DDX5: variants seen among roughly 807,000 people sequenced by gnomAD.
DDX5 encodes probable ATP-dependent RNA helicase DDX5.
DDX5 carries 6 observed loss-of-function variants against 68.6 expected under a neutral mutation model. The ratio of observed to expected loss-of-function variants is 0.09; its 90% CI spans 0.05 to 0.17. The LOEUF is 0.17. DDX5 is among the 10% of genes least tolerant of loss of function. The probability of loss-of-function intolerance (pLI) is 1.00; values close to 1 mark genes in which losing one functional copy is unlikely to be tolerated. For missense variants in DDX5, 499 were observed against 756.1 expected (o/e 0.66, Z 3.99); for synonymous variants, 350 against 247.0 (o/e 1.42, Z -3.91).
chr17:64,505,968 A>T, intron 1 of DDX5, 108 bp downstream of exon 1: 1 of 1,540,144 alleles, frequency 6.5e-7, no homozygotes, highest in Non-Finnish European at 8.7e-7. Context: ...GTCCCAAGAT[A>T]GCCCGGAAAG....
At chr17:64,500,794 G>A in intron 11 of DDX5, 21 bp from the exon 12 acceptor site, 1 of 1,570,682 alleles carries the variant, frequency 6.4e-7, no homozygotes, top group Non-Finnish European at 8.8e-7. Flanking sequence ...TTGCAGTGTG[G>A]CAAAATAGCA....
chr17:64,503,720 A>G, intron 5 of DDX5, 83 bp downstream of exon 5: 1 of 1,545,852 alleles, frequency 6.5e-7, no homozygotes. Context: ...ATATAAAACC[A>G]CCACAAATGA....
upstream of DDX5, chr17:64,506,303 C>T: frequency 1.3e-6 from 2 of 1,514,402 alleles, no homozygotes; most frequent in Non-Finnish European, 1.8e-6. Context: ...GGCCGCTTTC[C>T]GGCAGCCGCT....
Position 64,504,234 on chromosome 17 carries a change from C to T in DDX5, c.295G>A (p.Ala99Thr), listed in dbSNP as rs142511928. The T allele has an allele frequency of 2.7e-5, 43 of 1,614,082 alleles. No individual in the cohort carries two copies. The highest frequency in any genetic ancestry group is 3.3e-4 in the Middle Eastern group (2 of 6,062). Reference protein sequence around the residue: ...CPKPVLNFYEANFPANVMDVI... With the variant: ...CPKPVLNFYETNFPANVMDVI... ...AAGTAGCACTTACCAGGGAAATTGG[C>T]TTCATAAAAATTTAGAACTGGCTTC... The change falls in exon 3 of 13, where the codon GCC becomes ACC. Residue 99 changes from alanine (A) to threonine (T), a missense_variant. By Grantham distance (58) the Ala-to-Thr change is moderately conservative. Around this residue, in one of 5 missense-constraint regions of DDX5, gnomAD observed 140 missense variants for 135.7 expected, o/e 1.03. Transcript: ENST00000225792.
intron 8 of DDX5, 165 bp from the exon 9 acceptor site, chr17:64,502,714 G>C: frequency 1.4e-6 from 1 of 714,590 alleles, no homozygotes. Context: ...TGGTCCTTAA[G>C]TCAACCAGGG....
intron 8 of DDX5, 37 bp from the exon 9 acceptor site, chr17:64,502,586 T>C: frequency 6.9e-7 from 1 of 1,457,584 alleles, no homozygotes; most frequent in Non-Finnish European, 9.6e-7. Flanking sequence ...ATCCTGAGTT[T>C]TAAAAGACCA....
Position 64,499,520 on chromosome 17 carries a change from C to G in DDX5, c.*403G>C, listed in dbSNP as rs1284214067. On this transcript the variant is annotated 3_prime_UTR_variant, in exon 13 of 13. Transcript: ENST00000225792. ...ATAAAAAGGAACAGTCATTTGTTTT[C>G]ATGGAAAAAAAAAACCAAACAAAAA... 1 of 200,978 alleles carries G rather than the reference C, an allele frequency of 5.0e-6. No homozygotes were observed. Among genetic ancestry groups the G allele is most frequent in the African/African-American group, 3.4e-5 (1 of 29,082 alleles). 12.4% of individuals were successfully genotyped at this position (200,978 alleles called of 1,614,324 possible). A position where few individuals can be genotyped will look rare whatever the true frequency, so the allele number is the denominator to read the frequency against.
rs115942199 is a variant in DDX5 at position 64,503,874 on chromosome 17, T to C, written c.442-6A>G. 3.1e-6 allele frequency: 5 copies of C among 1,614,160 alleles called. No homozygotes were observed. The African/African-American group carries it at 6.7e-5, about 22-fold the overall frequency. ...ACAATGGCAGGAAGCAAATACTATTTAGGGTGAAAGTGGGGACAAACAGAA... is the reference window on the plus strand; with the variant it reads ...ACAATGGCAGGAAGCAAATACTATTCAGGGTGAAAGTGGGGACAAACAGAA... On this transcript the variant is annotated splice_region_variant and splice_polypyrimidine_tract_variant and intron_variant, in intron 4 of 12. Coordinates refer to ENST00000225792, the MANE Select transcript of DDX5 (RefSeq NM_004396.5).
upstream of DDX5, chr17:64,506,452 C>T: frequency 1.5e-6 from 2 of 1,298,578 alleles, no homozygotes; most frequent in Non-Finnish European, 2.0e-6. Context: ...CCCCGCGCCA[C>T]TCTCTCAGGT....
At chr17:64,502,826 C>T (rs1555671365) in intron 8 of DDX5, 100 bp downstream of exon 8, 1 of 1,224,628 alleles carries the variant, frequency 8.2e-7, no homozygotes, top group East Asian at 2.4e-5. Flanking sequence ...AATGAAATCA[C>T]ACCAACTGAA....
chr17:64,505,583 G>A, intron 1 of DDX5: 1 of 753,152 alleles, frequency 1.3e-6, no homozygotes, highest in Non-Finnish European at 2.2e-6. Flanking sequence ...GGGTAACAAA[G>A]GCGCCGCCGC....
Position 64,504,031 on chromosome 17 carries a change from T to C in DDX5, c.393A>G (p.Gly131=). ...QAQGWPVALS[G]LDMVGVAQTG... is the part of the protein sequence containing the mutation. The stretch of plus-strand genomic sequence containing the variant: ...TCTGTGCCACTCCAACCATATCCAA[T>C]CCACTTAGAGCAACTGGCCATCCCT... Residue 131 remains glycine, a synonymous_variant, in exon 4 of 13, where the codon GGA becomes GGG. Coordinates refer to ENST00000225792, the MANE Select transcript of DDX5 (RefSeq NM_004396.5). 6.2e-7 allele frequency: 1 copy of C among 1,614,218 alleles called. No homozygotes were observed. Among genetic ancestry groups the C allele is most frequent in the Non-Finnish European group, 8.5e-7 (1 of 1,180,046 alleles).
At chr17:64,500,379 T>C (rs2038267484) in intron 12 of DDX5, 53 bp from the exon 13 acceptor site, 7 of 1,561,070 alleles carry the variant, frequency 4.5e-6, no homozygotes, top group Admixed American at 3.8e-5. Flanking sequence ...CACAAATCAT[T>C]GTGGACAGAA....
chr17:64,504,372 A>C lies in DDX5; in HGVS notation c.211-54T>G, dbSNP rs148353477. ...ATTCATGACAACCACCCCTAGCTAA[A>C]TACGTAATTGATAAGCCCCTAACTT... On this transcript the variant is annotated intron_variant, in intron 2 of 12. Coordinates refer to ENST00000225792, the MANE Select transcript of DDX5 (RefSeq NM_004396.5). 10 of 1,442,632 alleles carry C rather than the reference A, an allele frequency of 6.9e-6. No individual in the cohort carries two copies. In the East Asian group the frequency reaches 2.0e-4, roughly 29 times the overall value. The allele number at this position is 1,442,632 out of a possible 1,614,324, so 89.4% of individuals were successfully genotyped here.
At chr17:64,505,953 AG>A (rs1309688850) in intron 1 of DDX5, 122 bp downstream of exon 1, 1 of 1,537,170 alleles carries the variant, frequency 6.5e-7, no homozygotes, top group South Asian at 1.2e-5. Context: ...CCTTCGGGAA[AG>A]GAAGTCCCAA....
In DDX5 at chr17:64,504,755, C is replaced by T. The variant is rs1242626366; in HGVS notation, c.132G>A (p.Lys44=). The T allele has an allele frequency of 1.9e-6, 3 of 1,614,030 alleles. No individual in the cohort carries two copies. Among genetic ancestry groups the T allele is most frequent in the East Asian group, 4.5e-5 (2 of 44,898 alleles). Residue 44 remains lysine (K), a synonymous_variant, in exon 2 of 13, where the codon AAG becomes AAA. Transcript: ENST00000225792. ...TAGGCAGCTCATCAAGATTCCACTT[C>T]TTTTTAACTAATTTCTCCCCAGGGT... ...FGNPGEKLVK[K]KWNLDELPKF...
Position 64,506,261 on chromosome 17 carries a change from T to G in DDX5, c.-142A>C. 7.1e-6 allele frequency: 11 copies of G among 1,542,722 alleles called. No homozygotes were observed. Among genetic ancestry groups the G allele is most frequent in the Non-Finnish European group, 9.6e-6 (11 of 1,144,296 alleles). On this transcript the variant is annotated 5_prime_UTR_variant, in exon 1 of 13. Coordinates refer to ENST00000225792, the MANE Select transcript of DDX5 (RefSeq NM_004396.5). Reference sequence around the variant, plus strand: ...CCGATGACACCAGCCGAAGCTGCACTACTAGAGACCGGTAGAAATGAATGA... The same window carrying G: ...CCGATGACACCAGCCGAAGCTGCACGACTAGAGACCGGTAGAAATGAATGA...
rs2038212340 is a variant in DDX5, at chr17:64,498,573, A to G, written c.*1350T>C. On this transcript the variant is annotated 3_prime_UTR_variant, in exon 13 of 13. Transcript: ENST00000225792. ...AGTTTTCAATGTCTAAGTCCTAGAA[A>G]TATCACTCCCTATCCCAGCCCTAGC... Among the ~76,000 whole-genome samples, 2 of 152,356 alleles carry G rather than the reference A, an allele frequency of 1.3e-5. No individual in the cohort carries two copies. The highest frequency in any genetic ancestry group is 3.4e-3 in the Middle Eastern group (1 of 294).
chr17:64,504,567 A>T, intron 2 of DDX5, 110 bp downstream of exon 2: 1 of 1,325,684 alleles, frequency 7.5e-7, no homozygotes. Flanking sequence ...ATGAAGTCAG[A>T]ACATGTAACT....
Sources: allele counts gnomAD v4.1 joint callset (sites outside exome capture counted in the v4.1 genomes callset), GRCh38; gene constraint gnomAD v4.1.1; regional missense constraint gnomAD v4.1.1; transcripts MANE v1.5; gene names NCBI Gene and HGNC (gene_info 2026-07-23, HGNC 2026-07-21).